RBFOX1: variants seen among roughly 807,000 people sequenced by gnomAD.
The protein encoded by RBFOX1 is RNA binding protein fox-1 homolog 1.
A neutral mutation model predicts 57.7 loss-of-function variants in RBFOX1; 8 were observed. That is an observed-to-expected ratio of 0.14 (90% CI 0.08 to 0.25). RBFOX1 has a LOEUF of 0.25. Among genes scored for constraint, RBFOX1 ranks in the 10% least tolerant of loss-of-function variants. RBFOX1 has a pLI of 1.00. For synonymous variants in RBFOX1, 326 were observed against 222.4 expected (o/e 1.47, Z -4.15); for missense variants, 611 against 548.5 (o/e 1.11, Z -1.14).
rs114418896 is a variant in RBFOX1, at chr16:7,327,915, C to T, written c.28-190232C>T. On this transcript the variant is annotated intron_variant, in intron 4 of 15. Transcript: ENST00000550418. ...CACGGCTGCAGGTTGCGATGTTGACCGACAGAATCCATGAGGCAGGAGTTG... is the reference window on the plus strand; with the variant it reads ...CACGGCTGCAGGTTGCGATGTTGACTGACAGAATCCATGAGGCAGGAGTTG... Among the ~76,000 whole-genome samples, 384 of 152,136 alleles carry T rather than the reference C, an allele frequency of 2.5e-3. 2 individuals carry two copies. Among genetic ancestry groups the T allele is most frequent in the African/African-American group, 8.7e-3 (362 of 41,480 alleles).
chr16:6,295,209 T>C (rs111429920), intron 1 of RBFOX1, among the ~76,000 whole-genome samples: 37,004 of 150,686 alleles, frequency 0.25, 4,630 homozygotes, highest in South Asian at 0.26. Context: ...CTGCAAACTC[T>C]GCCTCCTAGG....
intron 3 of RBFOX1, among the ~76,000 whole-genome samples, chr16:6,874,641 C>G (rs1278997314): frequency 6.6e-6 from 1 of 151,758 alleles, no homozygotes; most frequent in East Asian, 1.9e-4. Flanking sequence ...TTATCTCCCA[C>G]TTACAATGGT....
rs139090638 is a variant in RBFOX1, at chr16:7,018,683, T to A, written c.-15-33374T>A. ...GTTCCACAACATTAGGAGATATACCTAATGTAAATGACATGTTAATGGGTG... is the reference window on the plus strand; with the variant it reads ...GTTCCACAACATTAGGAGATATACCAAATGTAAATGACATGTTAATGGGTG... On this transcript the variant is annotated intron_variant, in intron 3 of 15. Transcript: ENST00000550418. 3.0e-3 allele frequency among the ~76,000 whole-genome samples: 451 copies of A among 152,138 alleles called. 5 individuals carry two copies. Among genetic ancestry groups the A allele is most frequent in the African/African-American group, 0.01 (424 of 41,490 alleles).
intron 4 of RBFOX1, among the ~76,000 whole-genome samples, chr16:7,198,749 G>C (rs1252362140): frequency 1.3e-5 from 2 of 152,220 alleles, no homozygotes; most frequent in African/African-American, 4.8e-5. Context: ...TGAAAGTGGA[G>C]TTCTCGTAAT....
chr16:6,406,263 G>A (rs2152960735), intron 2 of RBFOX1, among the ~76,000 whole-genome samples: 1 of 152,298 alleles, frequency 6.6e-6, no homozygotes, highest in South Asian at 2.1e-4. Flanking sequence ...TTCTAATGCA[G>A]CCTCCTGTCA....
intron 3 of RBFOX1, among the ~76,000 whole-genome samples, chr16:6,717,709 A>G (rs1271279664): frequency 1.3e-5 from 2 of 152,030 alleles, no homozygotes; most frequent in Admixed American, 6.6e-5. Flanking sequence ...TGCCAGTCAC[A>G]TTGTTTGGTT....
intron 4 of RBFOX1, among the ~76,000 whole-genome samples, chr16:7,239,144 T>G (rs557850129): frequency 6.6e-6 from 1 of 152,196 alleles, no homozygotes; most frequent in African/African-American, 2.4e-5. Flanking sequence ...CCTTTGCCTT[T>G]CCTAAACCAT....
At chr16:5,476,975 A>G (rs998724470) in intron 2 of RBFOX1, among the ~76,000 whole-genome samples, 2 of 152,192 alleles carry the variant, frequency 1.3e-5, no homozygotes, top group Admixed American at 1.3e-4. Context: ...GTATATACAG[A>G]TTTGGAAAAC....
chr16:6,688,031 T>C (rs765032678), intron 3 of RBFOX1, among the ~76,000 whole-genome samples: 9 of 152,326 alleles, frequency 5.9e-5, no homozygotes, highest in Admixed American at 3.3e-4. Context: ...ACCTCACCTG[T>C]TGTATTAGTC....
chr16:7,068,657 G>C (rs556489206), intron 4 of RBFOX1, among the ~76,000 whole-genome samples: 1 of 152,284 alleles, frequency 6.6e-6, no homozygotes, highest in African/African-American at 2.4e-5. Context: ...TGCAATCTCA[G>C]TTCATTGCAA....
At chr16:5,756,393 G>T (rs1244960133) in intron 3 of RBFOX1, among the ~76,000 whole-genome samples, 1 of 152,136 alleles carries the variant, frequency 6.6e-6, no homozygotes, top group Non-Finnish European at 1.5e-5. Flanking sequence ...AGTGAGAAAA[G>T]ATGGATACCG....
intron 3 of RBFOX1, among the ~76,000 whole-genome samples, chr16:6,768,128 C>T (rs2077671249): frequency 6.6e-6 from 1 of 151,142 alleles, no homozygotes; most frequent in Non-Finnish European, 1.5e-5. Context: ...GCCCCCGAGG[C>T]AGAGGTTGCA....
intron 11 of RBFOX1, among the ~76,000 whole-genome samples, chr16:7,636,305 T>A (rs2061743815): frequency 6.6e-6 from 1 of 152,248 alleles, no homozygotes; most frequent in Non-Finnish European, 1.5e-5. Flanking sequence ...CATCTCAATT[T>A]GTTTTAGTTT....
At chr16:7,145,748 C>A (rs1005402928) in intron 4 of RBFOX1, among the ~76,000 whole-genome samples, 7 of 152,044 alleles carry the variant, frequency 4.6e-5, no homozygotes, top group African/African-American at 1.7e-4. Context: ...GTGGTATGGC[C>A]CTGTATTAGG....
At chr16:5,847,370 G>A (rs540876646) in intron 3 of RBFOX1, among the ~76,000 whole-genome samples, 2 of 146,906 alleles carry the variant, frequency 1.4e-5, no homozygotes, top group Non-Finnish European at 3.0e-5. Flanking sequence ...AAAAATGGGG[G>A]TGGGGGGGGA....
At chr16:7,359,654 A>T (rs956693077) in intron 4 of RBFOX1, among the ~76,000 whole-genome samples, 1 of 152,138 alleles carries the variant, frequency 6.6e-6, no homozygotes, top group Non-Finnish European at 1.5e-5. Context: ...ACGTCTCTCC[A>T]TCAGCAATGT....
intron 2 of RBFOX1, among the ~76,000 whole-genome samples, chr16:6,580,113 C>T (rs1055356249): frequency 1.3e-5 from 2 of 151,968 alleles, no homozygotes; most frequent in African/African-American, 4.8e-5. Context: ...TGCCCACCAC[C>T]GCACCTAGCT....
intron 2 of RBFOX1, among the ~76,000 whole-genome samples, chr16:6,482,395 C>T (rs1215437864): frequency 1.3e-5 from 2 of 152,154 alleles, no homozygotes; most frequent in Admixed American, 6.5e-5. Flanking sequence ...ATTTTTTGGT[C>T]CCTACCAAAA....
rs559726506 is a variant in RBFOX1 at position 6,953,699 on chromosome 16, G to A, written c.-15-98358G>A. On this transcript the variant is annotated intron_variant, in intron 3 of 15. Coordinates refer to ENST00000550418, the MANE Select transcript of RBFOX1 (RefSeq NM_018723.4). ...ACAGTGCCCAGCCTCACACGCACAC[G>A]ATATTTACACATACATACATATAAA... Among the ~76,000 whole-genome samples the A allele has an allele frequency of 3.9e-4, 60 of 152,182 alleles. 1 individual carries two copies. Among genetic ancestry groups the A allele is most frequent in the South Asian group, 8.3e-4 (4 of 4,814 alleles).
Sources: gnomAD v4.1 joint callset for allele counts (sites outside exome capture counted in the v4.1 genomes callset) on GRCh38, gnomAD v4.1.1 for gene constraint, MANE v1.5 for transcripts, NCBI Gene and HGNC (gene_info 2026-07-23, HGNC 2026-07-21) for gene names.